TXNDC12: variants seen among roughly 807,000 people sequenced by gnomAD.
The protein encoded by TXNDC12 is thioredoxin domain containing 12.
TXNDC12 carries 22 observed loss-of-function variants against 24.2 expected under a neutral mutation model. That is an observed-to-expected ratio of 0.91 (90% CI 0.65 to 1.30). The LOEUF (loss-of-function observed/expected upper bound fraction) is 1.30. TXNDC12 is among the 50% of genes most tolerant of loss of function. The pLI is 0.00. For synonymous variants in TXNDC12, 58 were observed against 73.4 expected, an observed-to-expected ratio of 0.79 and a Z score of 1.07; for missense variants, 184 against 205.8, an observed-to-expected ratio of 0.89 and a Z score of 0.65.
chr1:52,045,692 G>GA (rs2124388009), intron 1 of TXNDC12, among the ~76,000 whole-genome samples: 1 of 152,172 alleles, frequency 6.6e-6, no homozygotes, highest in East Asian at 1.9e-4. Flanking sequence ...ACAACACCAA[G>GA]AATGAACCCG....
At chr1:52,030,944 A>G (rs1685742367) in intron 2 of TXNDC12, among the ~76,000 whole-genome samples, 2 of 152,204 alleles carry the variant, frequency 1.3e-5, no homozygotes, top group Admixed American at 6.6e-5. Flanking sequence ...CTTACCATCT[A>G]TAAGTAGCAA....
intron 2 of TXNDC12, among the ~76,000 whole-genome samples, chr1:52,036,452 G>GGAGGAA (rs1228704771): frequency 6.6e-6 from 1 of 152,150 alleles, no homozygotes; most frequent in East Asian, 1.9e-4. Context: ...CTGAGGAGGA[G>GGAGGAA]GAGGAAGAGG....
chr1:52,023,595 CAG>C (rs34432780), intron 5 of TXNDC12, 21 bp from the exon 6 acceptor site: 62,701 of 1,578,944 alleles, frequency 0.04, 1,444 homozygotes, highest in Non-Finnish European at 0.046. Context: ...CAAAATGACA[CAG>C]AGTTTTGCAG....
chr1:52,041,287 C>T (rs1392986804), intron 2 of TXNDC12, among the ~76,000 whole-genome samples: 3 of 151,270 alleles, frequency 2.0e-5, no homozygotes, highest in South Asian at 2.1e-4. Flanking sequence ...GAGCCGAGAT[C>T]GTGCCACTGC....
chr1:52,022,369 C>G (rs774949438), intron 6 of TXNDC12, among the ~76,000 whole-genome samples: 5 of 152,208 alleles, frequency 3.3e-5, no homozygotes, highest in Non-Finnish European at 5.9e-5. Flanking sequence ...AAAAGCATGA[C>G]TGGCTGACGA....
At chr1:52,024,427 T>C (rs1224536627) in intron 5 of TXNDC12, 83 bp downstream of exon 5, 12 of 1,080,570 alleles carry the variant, frequency 1.1e-5, no homozygotes, top group Non-Finnish European at 1.7e-5. Context: ...CCTGGTATAG[T>C]TTCACTAGGT....
intron 2 of TXNDC12, chr1:52,033,351 G>C (rs1251064795): frequency 1.9e-6 from 3 of 1,613,724 alleles, no homozygotes; most frequent in Middle Eastern, 1.6e-4. Flanking sequence ...CCTCCTCAGC[G>C]CGTGGCCGCC....
intron 2 of TXNDC12, among the ~76,000 whole-genome samples, chr1:52,035,604 G>A (rs1685866268): frequency 1.3e-5 from 2 of 152,106 alleles, no homozygotes; most frequent in South Asian, 4.2e-4. Flanking sequence ...TCCCATTACT[G>A]AGGAGGCTGA....
At chr1:52,043,978 G>C (rs1006726879) in intron 1 of TXNDC12, 2 of 152,140 alleles carry the variant, frequency 1.3e-5, no homozygotes, top group Non-Finnish European at 2.9e-5. Context: ...CTTGCCTAAG[G>C]CTCAAGATTT....
intron 2 of TXNDC12, chr1:52,032,678 TC>T: frequency 2.6e-6 from 4 of 1,562,934 alleles, no homozygotes; most frequent in East Asian, 2.2e-5. Context: ...AGCCATGGCT[TC>T]CCCCCTACCT....
In TXNDC12 at chr1:52,027,302, G is replaced by A. The variant is rs377040687; in HGVS notation, c.258C>T (p.Ser86=). 3.1e-6 allele frequency: 5 copies of A among 1,613,050 alleles called. No individual in the cohort carries two copies. The highest frequency in any genetic ancestry group is 4.2e-6 in the Non-Finnish European group (5 of 1,179,268). The change falls in exon 4 of 7, where the codon TCC becomes TCT. Residue 86 remains serine, a synonymous_variant. Coordinates refer to ENST00000371626, the MANE Select transcript of TXNDC12 (RefSeq NM_015913.4). The part of the protein sequence containing the change: ...FAESTEISEL[S]HNFVMVNLED... ...CAAGATTTACCATAACAAAATTATGGGAGAGTTCTGAAATTTCCGTAGATT... is the reference window on the plus strand; with the variant it reads ...CAAGATTTACCATAACAAAATTATGAGAGAGTTCTGAAATTTCCGTAGATT...
intron 5 of TXNDC12, 93 bp from the exon 6 acceptor site, chr1:52,023,667 A>C: frequency 1.1e-6 from 1 of 912,822 alleles, no homozygotes; most frequent in South Asian, 1.4e-5. Flanking sequence ...CTGGGAAATA[A>C]GATCTGCCCA....
upstream of TXNDC12, chr1:52,055,275 T>A (rs1217130697): frequency 6.5e-5 from 38 of 586,600 alleles, no homozygotes; most frequent in African/African-American, 6.6e-4. Flanking sequence ...GGGGTCCGGT[T>A]TGGGATGGAG....
chr1:52,050,186 C>T (rs191877382), intron 1 of TXNDC12, among the ~76,000 whole-genome samples: 137 of 152,270 alleles, frequency 9.0e-4, no homozygotes, highest in African/African-American at 3.1e-3. Context: ...AATGGGAACA[C>T]CAACTTCAGA....
At chr1:52,033,331 G>C (rs751687520) in intron 2 of TXNDC12, 5 of 1,613,820 alleles carry the variant, frequency 3.1e-6, no homozygotes, top group South Asian at 1.1e-5. Flanking sequence ...CGCCGCCTGG[G>C]CTCTCCCGTC....
chr1:52,033,635 C>G, intron 2 of TXNDC12: 1 of 1,611,946 alleles, frequency 6.2e-7, no homozygotes, highest in South Asian at 1.1e-5. Flanking sequence ...GGGTCCTCTG[C>G]GCCCAGGACA....
At position 52,020,742 on chromosome 1, in the gene TXNDC12, C is replaced by T. The variant is rs985602411; in HGVS notation, c.*191G>A. On this transcript the variant is annotated 3_prime_UTR_variant, in exon 7 of 7. Coordinates refer to ENST00000371626, the MANE Select transcript of TXNDC12 (RefSeq NM_015913.4). ...AAGGAGAAGAAAGTCTGCCACTCTCCGCTGGATCCACAAACATGCAGACCA... is the reference window on the plus strand; with the variant it reads ...AAGGAGAAGAAAGTCTGCCACTCTCTGCTGGATCCACAAACATGCAGACCA... 5.8e-5 allele frequency: 31 copies of T among 537,602 alleles called. No individual in the cohort carries two copies. The highest frequency in any genetic ancestry group is 3.9e-4 in the East Asian group (13 of 33,346). The allele number at this position is 537,602 out of a possible 1,614,324, so 33.3% of individuals were successfully genotyped here. A position where few individuals can be genotyped will look rare whatever the true frequency, so the allele number is the denominator to read the frequency against.
At chr1:52,051,740 A>G (rs7529324) in intron 1 of TXNDC12, 129,542 of 169,238 alleles carry the variant, frequency 0.77, 53,299 homozygotes, top group Non-Finnish European at 0.89. Flanking sequence ...TTCTTAATGA[A>G]AACAGTAGAG....
At chr1:52,043,145 G>A (rs1323800117) in intron 1 of TXNDC12, among the ~76,000 whole-genome samples, 9 of 152,180 alleles carry the variant, frequency 5.9e-5, no homozygotes, top group South Asian at 2.1e-4. Context: ...AATTCCTTCC[G>A]TCCCTCACCT....
Sources: gnomAD v4.1 joint callset for allele counts (sites outside exome capture counted in the v4.1 genomes callset) on GRCh38, gnomAD v4.1.1 for gene constraint, MANE v1.5 for transcripts, NCBI Gene and HGNC (gene_info 2026-07-23, HGNC 2026-07-21) for gene names.